The following INO80 variants were observed in gnomAD, a reference collection of about 807,000 sequenced individuals.
INO80 encodes the protein INO80 complex ATPase subunit, also known as chromatin-remodeling ATPase INO80.
Under a neutral mutation model 203.4 loss-of-function variants are expected in INO80, and 20 were observed. That is an observed-to-expected ratio of 0.10 (90% CI 0.07 to 0.14). INO80 has a LOEUF of 0.14. INO80 is among the 10% of genes least tolerant of loss of function. The pLI is 1.00. For synonymous variants in INO80, 726 were observed against 685.2 expected (o/e 1.06, Z -0.93); for missense variants, 1,419 against 1,914.4 (o/e 0.74, Z 4.83).
At chr15:41,082,617 T>C (rs989322359) in intron 7 of INO80, among the ~76,000 whole-genome samples, 7 of 151,908 alleles carry the variant, frequency 4.6e-5, no homozygotes, top group African/African-American at 9.7e-5. Flanking sequence ...CTCAGGAGAA[T>C]TGCTTGAACC....
chr15:41,004,627 A>G (rs1216492280), intron 28 of INO80: 1 of 152,168 alleles, frequency 6.6e-6, no homozygotes, highest in Non-Finnish European at 1.5e-5. Context: ...GACTCTACCT[A>G]TTACAATGAG....
rs542617148 is a variant in INO80 at position 40,985,830 on chromosome 15, C to T, written c.3833-404G>A. 1.4e-4 allele frequency among the ~76,000 whole-genome samples: 21 copies of T among 152,186 alleles called. No homozygotes were observed. The South Asian group carries it at 3.7e-3, about 27-fold the overall frequency. ...GGCTGAGTCAGGAGGACTGCCTGAGCCCAGGAAGTGGAGGTTGTGGTGAGC... is the reference window on the plus strand; with the variant it reads ...GGCTGAGTCAGGAGGACTGCCTGAGTCCAGGAAGTGGAGGTTGTGGTGAGC... On this transcript the variant is annotated intron_variant, in intron 31 of 35. Coordinates refer to ENST00000648947, the MANE Select transcript of INO80 (RefSeq NM_017553.3).
intron 18 of INO80, among the ~76,000 whole-genome samples, chr15:41,054,857 T>G (rs2044954613): frequency 6.6e-6 from 1 of 152,134 alleles, no homozygotes; most frequent in Non-Finnish European, 1.5e-5. Context: ...AGGTTGGTCT[T>G]GAACTCCTGA....
At chr15:41,107,323 AAAC>A (rs1449757300) in intron 1 of INO80, among the ~76,000 whole-genome samples, 2 of 152,202 alleles carry the variant, frequency 1.3e-5, no homozygotes, top group Non-Finnish European at 2.9e-5. Context: ...CAACAAGGTG[AAAC>A]CCCATCTCTA....
intron 21 of INO80, 106 bp downstream of exon 21, chr15:41,049,181 G>A (rs2044819782): frequency 2.2e-6 from 2 of 891,788 alleles, no homozygotes; most frequent in African/African-American, 3.5e-5. Context: ...TTGCTTAAAT[G>A]TCTCATTGCT....
intron 28 of INO80, chr15:41,004,460 G>A (rs1196392823): frequency 2.0e-5 from 3 of 152,202 alleles, no homozygotes; most frequent in Non-Finnish European, 4.4e-5. Context: ...AAGAGGCCAT[G>A]CAATTAAAAG....
chr15:41,009,991 C>T (rs1229085338), intron 27 of INO80, among the ~76,000 whole-genome samples: 1 of 152,156 alleles, frequency 6.6e-6, no homozygotes, highest in Non-Finnish European at 1.5e-5. Context: ...AAAAGCATCG[C>T]TATCCTGACT....
intron 14 of INO80, among the ~76,000 whole-genome samples, chr15:41,060,907 CAT>C (rs1336478627): frequency 3.3e-5 from 5 of 152,134 alleles, no homozygotes; most frequent in African/African-American, 1.2e-4. Flanking sequence ...TCTGGCATAG[CAT>C]TAAAAAATAA....
intron 8 of INO80, 114 bp downstream of exon 8, chr15:41,080,906 T>C: frequency 2.8e-6 from 2 of 725,296 alleles, no homozygotes; most frequent in East Asian, 2.5e-5. Context: ...TCTTACGAAC[T>C]ATTAGATTCA....
At chr15:41,037,365 G>A (rs547207156) in intron 24 of INO80, among the ~76,000 whole-genome samples, 7 of 151,350 alleles carry the variant, frequency 4.6e-5, no homozygotes, top group Middle Eastern at 3.4e-3. Context: ...AAAATTAGCC[G>A]GGCGTGTTGG....
At chr15:41,046,649 A>G (rs11630905) in intron 23 of INO80, among the ~76,000 whole-genome samples, 134,592 of 152,084 alleles carry the variant, frequency 0.88, 61,662 homozygotes, top group East Asian at 1. Context: ...ACCGAGTCTC[A>G]TTCTGTTGTC....
Position 41,052,674 on chromosome 15 carries a change from CAAAAAAAAAAAA to C in INO80, c.2274+1243_2274+1254del, listed in dbSNP as rs60685375. ...GGTGACAGAGCGAGCCCTTGTCTTACAAAAAAAAAAAAAAAAAAAAAAAAATACAAGGGGAAA... is the reference window on the plus strand; with the variant it reads ...GGTGACAGAGCGAGCCCTTGTCTTACAAAAAAAAAAAAATACAAGGGGAAA... On this transcript the variant is annotated intron_variant, in intron 19 of 35. Coordinates refer to ENST00000648947, the MANE Select transcript of INO80 (RefSeq NM_017553.3). Among the ~76,000 whole-genome samples, 65 of 107,214 alleles carry C rather than the reference CAAAAAAAAAAAA, an allele frequency of 6.1e-4. No individual in the cohort carries two copies. In the East Asian group the frequency reaches 0.01, roughly 17 times the overall value. The allele number at this position is 107,214 out of a possible 152,430, so 70.3% of individuals were successfully genotyped here.
chr15:41,072,142 T>A (rs1320866557), intron 11 of INO80, 84 bp from the exon 12 acceptor site: 1 of 877,940 alleles, frequency 1.1e-6, no homozygotes. Context: ...TAACAATATA[T>A]CTACCCTGTG....
At position 41,096,322 on chromosome 15, in the gene INO80, GT is replaced by G; in HGVS notation, c.-13del. On this transcript the variant is annotated 5_prime_UTR_variant, in exon 2 of 36. Coordinates refer to ENST00000648947, the MANE Select transcript of INO80 (RefSeq NM_017553.3). ...AACTCCGAGGCCATAGAACAAATCT[GT>G]CTTCATGCACAAGGACCTCCGACTG... 1 of 1,569,580 alleles carries G rather than the reference GT, an allele frequency of 6.4e-7. No individual in the cohort carries two copies. Among genetic ancestry groups the G allele is most frequent in the Non-Finnish European group, 8.6e-7 (1 of 1,165,418 alleles).
At position 41,044,859 on chromosome 15, in the gene INO80, A is replaced by C. The variant is rs776419225; in HGVS notation, c.2907+45T>G. ...TATTTTTACTTATTCAAGGAAAAGG[A>C]AAGAAGATACTAAGTAGGTAATTTA... On this transcript the variant is annotated intron_variant, in intron 24 of 35. Transcript: ENST00000648947. 1.2e-5 allele frequency: 18 copies of C among 1,529,580 alleles called. 1 individual carries two copies. The highest frequency in any genetic ancestry group is 1.5e-5 in the Non-Finnish European group (17 of 1,139,886). The allele number at this position is 1,529,580 out of a possible 1,614,324, so 94.8% of individuals were successfully genotyped here. A position where few individuals can be genotyped will look rare whatever the true frequency, so the allele number is the denominator to read the frequency against.
chr15:41,079,275 G>T (rs550979539), intron 9 of INO80, among the ~76,000 whole-genome samples: 14 of 152,240 alleles, frequency 9.2e-5, no homozygotes, highest in Admixed American at 8.5e-4. Flanking sequence ...ACTGCAGTCA[G>T]CACCTACAAA....
chr15:41,087,476 TATATA>T (rs1566944182), intron 6 of INO80, 81 bp downstream of exon 6: 84 of 1,393,974 alleles, frequency 6.0e-5, no homozygotes, highest in Non-Finnish European at 8.1e-5. Flanking sequence ...TATGGACTTA[TATATA>T]AAGTCCAAAT....
intron 1 of INO80, among the ~76,000 whole-genome samples, chr15:41,100,651 C>T (rs1183349387): frequency 1.3e-5 from 2 of 152,140 alleles, no homozygotes; most frequent in African/African-American, 4.8e-5. Flanking sequence ...AAATTCTCCA[C>T]AAGAAGTCCT....
chr15:40,985,587 T>G (rs1186559882), intron 31 of INO80, among the ~76,000 whole-genome samples, 161 bp from the exon 32 acceptor site: 2 of 152,018 alleles, frequency 1.3e-5, no homozygotes, highest in African/African-American at 2.4e-5. Flanking sequence ...GATTCTCAAT[T>G]TTGGGTTTAA....
Sources: gnomAD v4.1 joint callset for allele counts (sites outside exome capture counted in the v4.1 genomes callset) on GRCh38, gnomAD v4.1.1 for gene constraint, MANE v1.5 for transcripts, NCBI Gene and HGNC (gene_info 2026-07-23, HGNC 2026-07-21) for gene names.